The following ARHGAP6 variants were observed in gnomAD, a reference collection of about 807,000 sequenced individuals.
ARHGAP6 encodes the protein Rho GTPase activating protein 6, also known as rho GTPase-activating protein 6.
A neutral mutation model predicts 55.7 loss-of-function variants in ARHGAP6; 16 were observed. The ratio of observed to expected loss-of-function variants is 0.29; its 90% CI spans 0.19 to 0.44. The LOEUF (loss-of-function observed/expected upper bound fraction) is 0.44. ARHGAP6 is among the 20% of genes least tolerant of loss of function. ARHGAP6 has a pLI of 1.00. For synonymous variants in ARHGAP6, 382 were observed against 360.9 expected, an observed-to-expected ratio of 1.06 and a Z score of -0.66; for missense variants, 698 against 808.9, an observed-to-expected ratio of 0.86 and a Z score of 1.66.
chrX:11,146,648 A>G (rs909111304), intron 10 of ARHGAP6, among the ~76,000 whole-genome samples: 2 of 112,273 alleles, frequency 1.8e-5, no homozygotes, highest in African/African-American at 3.2e-5. Context: ...GCACTGTACT[A>G]AGCTACTGTT....
At chrX:11,492,245 T>C (rs1411608187) in intron 1 of ARHGAP6, among the ~76,000 whole-genome samples, 1 of 110,708 alleles carries the variant, frequency 9.0e-6, no homozygotes, top group Non-Finnish European at 1.9e-5. Context: ...TTGGCTTTTG[T>C]TGCCATTGCT....
intron 1 of ARHGAP6, among the ~76,000 whole-genome samples, chrX:11,399,690 A>C (rs1224206322): frequency 2.7e-5 from 3 of 112,373 alleles, no homozygotes; most frequent in Non-Finnish European, 1.9e-5. Flanking sequence ...GTTTAAACAT[A>C]GAGCTACTAT....
chrX:11,217,195 T>C (rs1255410656), intron 2 of ARHGAP6, among the ~76,000 whole-genome samples: 1 of 112,286 alleles, frequency 8.9e-6, no homozygotes, highest in Admixed American at 9.4e-5. Context: ...TGTGTCTTTA[T>C]AGTAAAATGA....
chrX:11,620,638 C>G (rs1430893398), intron 1 of ARHGAP6, among the ~76,000 whole-genome samples: 2 of 112,247 alleles, frequency 1.8e-5, no homozygotes, highest in Non-Finnish European at 3.8e-5. Flanking sequence ...ATAAAGGAAG[C>G]TAACATCAGA....
intron 1 of ARHGAP6, among the ~76,000 whole-genome samples, chrX:11,435,321 A>G (rs1257339507): frequency 1.8e-5 from 2 of 112,547 alleles, no homozygotes; most frequent in Non-Finnish European, 3.8e-5. Context: ...TTTCAACTTT[A>G]GTTGTCTTCC....
intron 2 of ARHGAP6, among the ~76,000 whole-genome samples, chrX:11,247,561 C>T (rs2047370048): frequency 8.9e-6 from 1 of 112,030 alleles, no homozygotes; most frequent in South Asian, 3.7e-4. Context: ...TGAAAACAGG[C>T]ATAGACGAAT....
At chrX:11,208,828 G>T (rs1309918827) in intron 2 of ARHGAP6, among the ~76,000 whole-genome samples, 1 of 111,965 alleles carries the variant, frequency 8.9e-6, no homozygotes, top group African/African-American at 3.2e-5. Flanking sequence ...GGGCAGCAAT[G>T]CTCTGTGCAT....
At chrX:11,649,910 T>G (rs763309900) in intron 1 of ARHGAP6, among the ~76,000 whole-genome samples, 57 of 111,206 alleles carry the variant, frequency 5.1e-4, no homozygotes, top group Non-Finnish European at 6.8e-4. Context: ...AAATATTGCA[T>G]AGAAACATTT....
intron 1 of ARHGAP6, among the ~76,000 whole-genome samples, chrX:11,607,846 G>C (rs1163460878): frequency 5.4e-5 from 6 of 112,073 alleles, no homozygotes; most frequent in African/African-American, 1.9e-4. Flanking sequence ...AAAGCTTTGA[G>C]CGAACCAGTG....
At chrX:11,616,566 G>A (rs1030396276) in intron 1 of ARHGAP6, among the ~76,000 whole-genome samples, 1 of 111,423 alleles carries the variant, frequency 9.0e-6, no homozygotes, top group African/African-American at 3.3e-5. Context: ...GACCTCAAGT[G>A]ATCTGCCTAC....
rs138796507 is a variant in ARHGAP6 at position 11,511,091 on chromosome X, G to A, written c.588+153150C>T. ...AAGTGATTTTCCCCTACAATAGAGCGGCAAATAATTATTAGTAATTGCATT... is the reference window on the plus strand; with the variant it reads ...AAGTGATTTTCCCCTACAATAGAGCAGCAAATAATTATTAGTAATTGCATT... On this transcript the variant is annotated intron_variant, in intron 1 of 12. Transcript: ENST00000337414. 5.0e-3 allele frequency among the ~76,000 whole-genome samples: 560 copies of A among 111,407 alleles called. 7 individuals carry two copies. Among genetic ancestry groups the A allele is most frequent in the East Asian group, 0.025 (88 of 3,522 alleles).
chrX:11,229,734 T>A (rs1236555837), intron 2 of ARHGAP6, among the ~76,000 whole-genome samples: 1 of 112,236 alleles, frequency 8.9e-6, no homozygotes, highest in Non-Finnish European at 1.9e-5. Flanking sequence ...ATTCATGAAT[T>A]GTTCAGAACA....
intron 1 of ARHGAP6, among the ~76,000 whole-genome samples, chrX:11,279,511 C>T (rs1008095071): frequency 9.0e-6 from 1 of 110,640 alleles, no homozygotes; most frequent in African/African-American, 3.3e-5. Flanking sequence ...TGTCTTCCAT[C>T]ATAGCACTTA....
intron 1 of ARHGAP6, among the ~76,000 whole-genome samples, chrX:11,503,063 T>A (rs2050696669): frequency 9.1e-6 from 1 of 110,139 alleles, no homozygotes; most frequent in Non-Finnish European, 1.9e-5. Context: ...GTCTGGCTAA[T>A]TTTTGCATTT....
intron 1 of ARHGAP6, among the ~76,000 whole-genome samples, chrX:11,466,354 A>G (rs2050292815): frequency 9.0e-6 from 1 of 111,326 alleles, no homozygotes; most frequent in Admixed American, 9.6e-5. Context: ...CACAAACAAA[A>G]CCAGAAGAGG....
At chrX:11,297,589 A>G (rs1033759697) in intron 1 of ARHGAP6, among the ~76,000 whole-genome samples, 2 of 112,146 alleles carry the variant, frequency 1.8e-5, no homozygotes, top group Admixed American at 1.9e-4. Context: ...CTAACCAAGT[A>G]TATATACTGT....
At chrX:11,663,960 T>C (rs1569077369) in intron 1 of ARHGAP6, among the ~76,000 whole-genome samples, 1 of 112,809 alleles carries the variant, frequency 8.9e-6, no homozygotes, top group Non-Finnish European at 1.9e-5. Context: ...CCTTTGAAAT[T>C]GCCTGCAGCA....
chrX:11,249,440 C>T (rs1254648270), intron 2 of ARHGAP6, among the ~76,000 whole-genome samples: 1 of 111,253 alleles, frequency 9.0e-6, no homozygotes, highest in Non-Finnish European at 1.9e-5. Flanking sequence ...TAAATAAATA[C>T]AATTTAGACA....
chrX:11,234,438 C>T (rs1415910646), intron 2 of ARHGAP6, among the ~76,000 whole-genome samples: 1 of 112,331 alleles, frequency 8.9e-6, no homozygotes, highest in Non-Finnish European at 1.9e-5. Flanking sequence ...TTTTCCATTG[C>T]CAATGTTTGT....
Sources: gnomAD v4.1 joint callset for allele counts (sites outside exome capture counted in the v4.1 genomes callset) on GRCh38, gnomAD v4.1.1 for gene constraint, MANE v1.5 for transcripts, NCBI Gene and HGNC (gene_info 2026-07-23, HGNC 2026-07-21) for gene names.